Variants in SEMA5A observed in about 807,000 individuals in gnomAD.
SEMA5A encodes semaphorin-5A.
SEMA5A carries 55 observed loss-of-function variants against 135.5 expected under a neutral mutation model. The observed-to-expected ratio is 0.41, with a 90% CI of 0.33 to 0.51. The LOEUF (loss-of-function observed/expected upper bound fraction) is 0.51, where lower values mean the gene tolerates loss of function less well. SEMA5A is among the 20% of genes least tolerant of loss of function. The probability of loss-of-function intolerance (pLI) is 0.37; values close to 1 mark genes in which losing one functional copy is unlikely to be tolerated. For missense variants in SEMA5A, 1,290 were observed against 1,419.9 expected (o/e 0.91, Z 1.47); for synonymous variants, 580 against 546.5 (o/e 1.06, Z -0.85).
At chr5:9,469,643 A>G (rs1242617173) in intron 1 of SEMA5A, among the ~76,000 whole-genome samples, 14 of 152,216 alleles carry the variant, frequency 9.2e-5, no homozygotes, top group Non-Finnish European at 1.9e-4. Flanking sequence ...CTGGGATATC[A>G]ATGGAAACTA....
chr5:9,436,325 G>T (rs891159157), intron 2 of SEMA5A, among the ~76,000 whole-genome samples: 3 of 152,196 alleles, frequency 2.0e-5, no homozygotes, highest in Non-Finnish European at 2.9e-5. Flanking sequence ...GGTTCTCCAT[G>T]GGGGAGGGAA....
At position 9,197,218 on chromosome 5, in the gene SEMA5A, T is replaced by A. The variant is rs1409249128; in HGVS notation, c.1018A>T (p.Asn340Tyr). 1.2e-6 allele frequency: 2 copies of A among 1,614,218 alleles called. No homozygotes were observed. Among genetic ancestry groups the A allele is most frequent in the South Asian group, 2.2e-5 (2 of 91,076 alleles). ...TACGGTAGCCAGGCCGAGCGCGAGT[T>A]TTCTTGGTACTTGAAGGGCCCAGAG... ...AFSGPFKYQE[N>Y]SRSAWLPYPN... is the part of the protein sequence containing the mutation. The change falls in exon 10 of 23, where the codon AAC (asparagine) becomes TAC (tyrosine). Residue 340 changes from asparagine (N) to tyrosine (Y), a missense_variant. Around this residue, in one of 3 missense-constraint regions of SEMA5A, gnomAD observed 1,029 missense variants for 1,086.6 expected, o/e 0.95. Coordinates refer to ENST00000382496, the MANE Select transcript of SEMA5A (RefSeq NM_003966.3).
chr5:9,346,503 C>T (rs1260516228), intron 3 of SEMA5A, among the ~76,000 whole-genome samples: 2 of 152,270 alleles, frequency 1.3e-5, no homozygotes, highest in East Asian at 3.9e-4. Flanking sequence ...CTGTAATATG[C>T]CCTCTGGGGT....
chr5:9,039,617 C>G lies in SEMA5A; in HGVS notation c.*3280G>C, dbSNP rs546697168. ...TACAAACATGAAGAAGCTGAGATGC[C>G]TCATGTAAGTCACAAGAAGCAGCAG... On this transcript the variant is annotated 3_prime_UTR_variant, in exon 23 of 23. Coordinates refer to ENST00000382496, the MANE Select transcript of SEMA5A (RefSeq NM_003966.3). 1.3e-5 allele frequency: 2 copies of G among 152,210 alleles called. No homozygotes were observed. The highest frequency in any genetic ancestry group is 1.3e-4 in the Admixed American group (2 of 15,286). 9.4% of individuals were successfully genotyped at this position (152,210 alleles called of 1,614,324 possible).
Position 9,440,837 on chromosome 5 carries a change from G to C in SEMA5A, c.-174-2985C>G, listed in dbSNP as rs1250382464. Among the ~76,000 whole-genome samples, 4 of 152,308 alleles carry C rather than the reference G, an allele frequency of 2.6e-5. No homozygotes were observed. In the East Asian group the frequency reaches 7.7e-4, roughly 29 times the overall value. The stretch of plus-strand genomic sequence containing the variant: ...GCTGAGTGGTAGCCTTTATCCTGCA[G>C]ATACATGGCAGAAATTAACATGCCA... On this transcript the variant is annotated intron_variant, in intron 1 of 22. Coordinates refer to ENST00000382496, the MANE Select transcript of SEMA5A (RefSeq NM_003966.3).
intron 5 of SEMA5A, among the ~76,000 whole-genome samples, chr5:9,290,461 T>C (rs556491273): frequency 6.6e-6 from 1 of 152,320 alleles, no homozygotes; most frequent in South Asian, 2.1e-4. Flanking sequence ...TTTGGATTGG[T>C]TCAATATTTT....
chr5:9,446,975 C>A (rs1320502101), intron 1 of SEMA5A, among the ~76,000 whole-genome samples: 1 of 152,120 alleles, frequency 6.6e-6, no homozygotes, highest in East Asian at 1.9e-4. Context: ...CTGAGGCAGA[C>A]AAGTCTGTTA....
chr5:9,068,188 T>C (rs1206858315), intron 16 of SEMA5A, among the ~76,000 whole-genome samples: 1 of 152,212 alleles, frequency 6.6e-6, no homozygotes, highest in Non-Finnish European at 1.5e-5. Flanking sequence ...GTTTCTTCTG[T>C]GATCTGAACA....
chr5:9,219,194 C>G (rs1302935583), intron 8 of SEMA5A, among the ~76,000 whole-genome samples: 2 of 152,146 alleles, frequency 1.3e-5, no homozygotes. Flanking sequence ...GAGAGTGGGT[C>G]AGAGAGGGGC....
rs144923306 is a variant in SEMA5A at position 9,351,666 on chromosome 5, T to C, written c.125-13854A>G. On this transcript the variant is annotated intron_variant, in intron 3 of 22. Transcript: ENST00000382496. Reference sequence around the variant, plus strand: ...AAATGCAATCTGGTTTGCATAAATATTTCAACAGAGTGGGACAGAAGAAAA... The same window carrying C: ...AAATGCAATCTGGTTTGCATAAATACTTCAACAGAGTGGGACAGAAGAAAA... Among the ~76,000 whole-genome samples, 669 of 152,338 alleles carry C rather than the reference T, an allele frequency of 4.4e-3. 5 individuals are homozygous for C. Among genetic ancestry groups the C allele is most frequent in the African/African-American group, 0.015 (618 of 41,574 alleles).
At chr5:9,342,813 C>A (rs1753708066) in intron 3 of SEMA5A, among the ~76,000 whole-genome samples, 1 of 152,178 alleles carries the variant, frequency 6.6e-6, no homozygotes, top group African/African-American at 2.4e-5. Flanking sequence ...GGTGAAGAAA[C>A]TGAGGCATTG....
At chr5:9,172,153 A>C (rs1283350183) in intron 11 of SEMA5A, among the ~76,000 whole-genome samples, 2 of 152,190 alleles carry the variant, frequency 1.3e-5, no homozygotes, top group Non-Finnish European at 2.9e-5. Context: ...CAGGTGAGTC[A>C]CTGCAGGTCA....
chr5:9,237,798 G>T (rs763138391), intron 6 of SEMA5A, 30 bp downstream of exon 6: 3 of 1,606,904 alleles, frequency 1.9e-6, no homozygotes, highest in African/African-American at 2.7e-5. Flanking sequence ...AAGACAGGGT[G>T]ATGGCTGCTC....
chr5:9,538,583 A>G (rs1261883841), intron 1 of SEMA5A, among the ~76,000 whole-genome samples: 1 of 152,204 alleles, frequency 6.6e-6, no homozygotes, highest in Non-Finnish European at 1.5e-5. Context: ...ATAAAACAAT[A>G]AAATTGGCAG....
chr5:9,064,685 C>A (rs953832277), intron 17 of SEMA5A, among the ~76,000 whole-genome samples: 2 of 152,094 alleles, frequency 1.3e-5, no homozygotes, highest in Non-Finnish European at 2.9e-5. Flanking sequence ...CATGATTACA[C>A]CACTGTACTC....
At chr5:9,376,148 C>T (rs1755353720) in intron 3 of SEMA5A, among the ~76,000 whole-genome samples, 1 of 152,094 alleles carries the variant, frequency 6.6e-6, no homozygotes, top group African/African-American at 2.4e-5. Flanking sequence ...ATGGGCTGTC[C>T]CTGCCGGCAT....
intron 16 of SEMA5A, among the ~76,000 whole-genome samples, chr5:9,074,851 T>G (rs965644793): frequency 2.6e-5 from 4 of 152,198 alleles, no homozygotes; most frequent in Admixed American, 1.3e-4. Context: ...CAGTATCAGA[T>G]GCTGAGGAGG....
chr5:9,207,078 C>T (rs1450836559), intron 8 of SEMA5A, among the ~76,000 whole-genome samples: 1 of 121,396 alleles, frequency 8.2e-6, no homozygotes, highest in African/African-American at 3.1e-5. Flanking sequence ...CAGAACTTCA[C>T]ATAATGATAA....
intron 5 of SEMA5A, among the ~76,000 whole-genome samples, chr5:9,315,811 G>T (rs773778642): frequency 6.6e-6 from 1 of 152,078 alleles, no homozygotes; most frequent in Non-Finnish European, 1.5e-5. Context: ...TGACTATTTG[G>T]TCATGGGCTA....
Sources: gnomAD v4.1 joint callset for allele counts (sites outside exome capture counted in the v4.1 genomes callset) on GRCh38, gnomAD v4.1.1 for gene constraint, gnomAD v4.1.1 regional missense constraint, MANE v1.5 for transcripts, NCBI Gene and HGNC (gene_info 2026-07-23, HGNC 2026-07-21) for gene names.